The following MAGI2 variants were observed in gnomAD, a reference collection of about 807,000 sequenced individuals.
MAGI2 encodes the protein membrane associated guanylate kinase, WW and PDZ domain containing 2, also known as membrane-associated guanylate kinase, WW and PDZ domain-containing protein 2.
In MAGI2, 35 loss-of-function variants were observed where a neutral mutation model predicts 133.3. The observed-to-expected ratio is 0.26, with a 90% confidence interval of 0.20 to 0.35. The LOEUF (loss-of-function observed/expected upper bound fraction) is 0.35, where lower values mean the gene tolerates loss of function less well. Among genes scored for constraint, MAGI2 ranks in the 10% least tolerant of loss-of-function variants. The pLI is 1.00. For missense variants in MAGI2, 1,636 were observed against 1,863.4 expected (o/e 0.88, Z 2.25); for synonymous variants, 729 against 710.6 (o/e 1.03, Z -0.41).
chr7:78,431,076 G>C (rs1422815460), intron 6 of MAGI2, among the ~76,000 whole-genome samples: 1 of 133,260 alleles, frequency 7.5e-6, no homozygotes, highest in Non-Finnish European at 1.5e-5. Context: ...GAGGTAGGCT[G>C]TGTGTGTGTG....
intron 20 of MAGI2, among the ~76,000 whole-genome samples, chr7:78,118,314 C>T (rs182384011): frequency 1.3e-5 from 2 of 152,100 alleles, no homozygotes; most frequent in Non-Finnish European, 2.9e-5. Context: ...AGATATGACA[C>T]AAAAGGCATA....
intron 1 of MAGI2, among the ~76,000 whole-genome samples, chr7:79,311,639 C>T (rs1302186315): frequency 6.6e-6 from 1 of 152,122 alleles, no homozygotes. Context: ...GTACCATCTA[C>T]AAGCAGATGA....
At chr7:79,166,226 C>T (rs1263499634) in intron 1 of MAGI2, among the ~76,000 whole-genome samples, 1 of 151,960 alleles carries the variant, frequency 6.6e-6, no homozygotes, top group African/African-American at 2.4e-5. Context: ...CCCAGATTAG[C>T]TTACATCATA....
At chr7:79,056,349 T>G (rs368460870) in intron 1 of MAGI2, among the ~76,000 whole-genome samples, 1 of 152,164 alleles carries the variant, frequency 6.6e-6, no homozygotes, top group African/African-American at 2.4e-5. Context: ...CTGGTAGATT[T>G]TTTTCTAAAG....
intron 1 of MAGI2, among the ~76,000 whole-genome samples, chr7:79,374,524 A>G (rs370962816): frequency 6.6e-6 from 1 of 151,988 alleles, no homozygotes. Flanking sequence ...CTGTGAGAAA[A>G]TGAATTTATG....
chr7:78,536,810 G>A (rs1243177171), intron 3 of MAGI2, among the ~76,000 whole-genome samples: 1 of 149,208 alleles, frequency 6.7e-6, no homozygotes, highest in Admixed American at 6.7e-5. Context: ...GCCCAGGCTG[G>A]AGTGCGGTGG....
chr7:78,930,932 T>C (rs1800062092), intron 2 of MAGI2, among the ~76,000 whole-genome samples: 1 of 152,094 alleles, frequency 6.6e-6, no homozygotes, highest in Non-Finnish European at 1.5e-5. Context: ...CACTGAAACA[T>C]ATCATTGTAA....
chr7:78,400,270 T>C (rs1796737096), intron 6 of MAGI2, among the ~76,000 whole-genome samples: 1 of 152,198 alleles, frequency 6.6e-6, no homozygotes, highest in Non-Finnish European at 1.5e-5. Context: ...GACTGGAGGC[T>C]TTCTACTTAA....
intron 4 of MAGI2, among the ~76,000 whole-genome samples, chr7:78,511,417 A>C (rs945036378): frequency 1.3e-5 from 2 of 151,824 alleles, no homozygotes; most frequent in African/African-American, 4.8e-5. Flanking sequence ...TATTGCTCAA[A>C]GAATGCTCTT....
chr7:78,133,426 TG>T (rs1200780071), intron 17 of MAGI2, among the ~76,000 whole-genome samples: 15 of 152,342 alleles, frequency 9.8e-5, no homozygotes, highest in African/African-American at 3.6e-4. Context: ...CACCAGTTTT[TG>T]CTTGTAATAA....
chr7:79,190,853 GA>G (rs1197450669), intron 1 of MAGI2, among the ~76,000 whole-genome samples: 2 of 151,724 alleles, frequency 1.3e-5, no homozygotes, highest in African/African-American at 4.9e-5. Flanking sequence ...TGATTGATAT[GA>G]AATGATTTTG....
chr7:78,309,998 C>A (rs552640515), intron 9 of MAGI2, among the ~76,000 whole-genome samples: 1 of 152,006 alleles, frequency 6.6e-6, no homozygotes, highest in East Asian at 1.9e-4. Flanking sequence ...TTGTATGATA[C>A]CTAGGGTTTG....
chr7:78,646,385 A>G (rs1563290345), intron 2 of MAGI2, among the ~76,000 whole-genome samples: 1 of 152,324 alleles, frequency 6.6e-6, no homozygotes, highest in East Asian at 1.9e-4. Context: ...ATGCTGCTTT[A>G]AAGCAAGAAA....
chr7:78,209,350 C>CT (rs1787521338), intron 10 of MAGI2, among the ~76,000 whole-genome samples: 1 of 146,596 alleles, frequency 6.8e-6, no homozygotes, highest in Non-Finnish European at 1.5e-5. Flanking sequence ...CAAGCTCCGC[C>CT]TTACGGGTTC....
rs1189300165 is a variant in MAGI2 at position 78,019,711 on chromosome 7, C to G, written c.3972G>C (p.Ala1324=). 1.9e-6 allele frequency: 3 copies of G among 1,592,000 alleles called. No individual in the cohort carries two copies. The highest frequency in any genetic ancestry group is 2.6e-6 in the Non-Finnish European group (3 of 1,174,366). The change falls in exon 22 of 22, where the codon GCG becomes GCC. Residue 1324 remains alanine, a synonymous_variant. Transcript: ENST00000354212. ...RERSASPQRA[A]RPRLEEAPGG... ...CGGGCGCCTCCTCGAGCCTCGGCCGCGCGGCCCTCTGCGGACTCGCCGAGC... is the reference window on the plus strand; with the variant it reads ...CGGGCGCCTCCTCGAGCCTCGGCCGGGCGGCCCTCTGCGGACTCGCCGAGC...
intron 1 of MAGI2, among the ~76,000 whole-genome samples, chr7:79,339,082 T>C (rs1456546511): frequency 6.6e-6 from 1 of 152,120 alleles, no homozygotes; most frequent in Non-Finnish European, 1.5e-5. Context: ...AGCATGATAT[T>C]TATTTTATGG....
At chr7:78,489,015 AATC>A (rs1455983951) in intron 6 of MAGI2, among the ~76,000 whole-genome samples, 1 of 152,090 alleles carries the variant, frequency 6.6e-6, no homozygotes, top group Non-Finnish European at 1.5e-5. Flanking sequence ...TCAAATAATA[AATC>A]ATCAGAGAGT....
At chr7:78,759,485 A>G (rs950019393) in intron 2 of MAGI2, among the ~76,000 whole-genome samples, 1 of 152,170 alleles carries the variant, frequency 6.6e-6, no homozygotes, top group African/African-American at 2.4e-5. Context: ...AAATTTGTGT[A>G]ACCAAAAGGA....
rs184693033 is a variant in MAGI2 at position 78,108,760 on chromosome 7, G to A, written c.3567+16934C>T. 5.4e-5 allele frequency among the ~76,000 whole-genome samples: 5 copies of A among 92,704 alleles called. No individual in the cohort carries two copies. The East Asian group carries it at 2.3e-3, about 43-fold the overall frequency. 60.8% of individuals were successfully genotyped at this position (92,704 alleles called of 152,430 possible). On this transcript the variant is annotated intron_variant, in intron 20 of 21. Coordinates refer to ENST00000354212, the MANE Select transcript of MAGI2 (RefSeq NM_012301.4). Reference sequence around the variant, plus strand: ...CACATATGTGAGTGTATATACGTGAGTGTGTGTATATATGTGTTTGTGTGT... The same window carrying A: ...CACATATGTGAGTGTATATACGTGAATGTGTGTATATATGTGTTTGTGTGT...
Sources: gnomAD v4.1 joint callset for allele counts (sites outside exome capture counted in the v4.1 genomes callset) on GRCh38, gnomAD v4.1.1 for gene constraint, MANE v1.5 for transcripts, NCBI Gene and HGNC (gene_info 2026-07-23, HGNC 2026-07-21) for gene names.